The following SUFU variants were observed in gnomAD, a reference collection of about 807,000 sequenced individuals.
SUFU encodes the protein SUFU negative regulator of hedgehog signaling, also known as suppressor of fused homolog.
A neutral mutation model predicts 58.9 loss-of-function variants in SUFU; 7 were observed. The observed-to-expected ratio is 0.12, with a 90% confidence interval of 0.07 to 0.22. The LOEUF is 0.22. SUFU is among the 10% of genes least tolerant of loss of function. The pLI is 1.00. For synonymous variants in SUFU, 232 were observed against 254.8 expected, an observed-to-expected ratio of 0.91 and a Z score of 0.85; for missense variants, 451 against 641.3, an observed-to-expected ratio of 0.70 and a Z score of 3.20.
chr10:102,528,914 G>A (rs887397437), intron 2 of SUFU, among the ~76,000 whole-genome samples: 7 of 151,420 alleles, frequency 4.6e-5, no homozygotes, highest in Non-Finnish European at 1.0e-4. Context: ...GGACTCCCAG[G>A]TCAGAGTATG....
intron 2 of SUFU, among the ~76,000 whole-genome samples, chr10:102,517,718 A>G (rs2062489884): frequency 6.6e-6 from 1 of 152,078 alleles, no homozygotes; most frequent in African/African-American, 2.4e-5. Flanking sequence ...TGTTCCTGAG[A>G]TGTGTCTGGT....
intron 3 of SUFU, among the ~76,000 whole-genome samples, chr10:102,576,691 G>A (rs1320583255): frequency 6.6e-6 from 1 of 152,110 alleles, no homozygotes; most frequent in East Asian, 1.9e-4. Flanking sequence ...TAGTTTATAG[G>A]TCCATGGCAA....
intron 2 of SUFU, among the ~76,000 whole-genome samples, chr10:102,543,041 G>A (rs530501724): frequency 2.6e-5 from 4 of 152,252 alleles, no homozygotes; most frequent in African/African-American, 9.6e-5. Flanking sequence ...GGGCATTTAG[G>A]TGATTTCCAG....
intron 2 of SUFU, among the ~76,000 whole-genome samples, chr10:102,536,780 G>A (rs191944003): frequency 0.01 from 1,524 of 151,992 alleles, 13 homozygotes; most frequent in Non-Finnish European, 0.017. Context: ...CTACTTATTT[G>A]TGGCATAATG....
chr10:102,516,816 C>T (rs541207609), intron 2 of SUFU, among the ~76,000 whole-genome samples: 18 of 151,914 alleles, frequency 1.2e-4, no homozygotes, highest in African/African-American at 4.1e-4. Context: ...TCTGTACTGG[C>T]CTAAACTCAC....
chr10:102,509,057 C>G lies in SUFU; in HGVS notation c.183-112C>G, dbSNP rs146626272. On this transcript the variant is annotated intron_variant, in intron 1 of 11. Transcript: ENST00000369902. ...ATGTGGCCTCTGTTTAGTTACCTTT[C>G]ACCCAGGTTCCTCCAGGATGGGTCC... 4.8e-5 allele frequency: 70 copies of G among 1,455,106 alleles called. No individual in the cohort carries two copies. In the East Asian group the frequency reaches 1.6e-3, roughly 33 times the overall value. The allele number at this position is 1,455,106 out of a possible 1,614,324, so 90.1% of individuals were successfully genotyped here. A position where few individuals can be genotyped will look rare whatever the true frequency, so the allele number is the denominator to read the frequency against.
chr10:102,629,776 G>C lies in SUFU; in HGVS notation c.1366-290G>C, dbSNP rs1323256757. ...CTTTACATGCCTGTGGCCAGAGGCAGAACCAAGGAAGTGAGCAAGAGGGAG... is the reference window on the plus strand; with the variant it reads ...CTTTACATGCCTGTGGCCAGAGGCACAACCAAGGAAGTGAGCAAGAGGGAG... On this transcript the variant is annotated intron_variant, in intron 11 of 11. Coordinates refer to ENST00000369902, the MANE Select transcript of SUFU (RefSeq NM_016169.4). This position sits in a 1 kb window ranked among gnomAD's most constrained non-coding sequence, Gnocchi z 4.7. Among the ~76,000 whole-genome samples the C allele has an allele frequency of 6.6e-6, 1 of 152,162 alleles. No individual in the cohort carries two copies. Among genetic ancestry groups the C allele is most frequent in the Admixed American group, 6.5e-5 (1 of 15,278 alleles).
chr10:102,586,826 C>T (rs1365821694), intron 3 of SUFU, among the ~76,000 whole-genome samples: 1 of 152,196 alleles, frequency 6.6e-6, no homozygotes, highest in African/African-American at 2.4e-5. Flanking sequence ...TCTTCCCCAA[C>T]TTAAACTCTG....
intron 2 of SUFU, among the ~76,000 whole-genome samples, chr10:102,528,116 C>G (rs2062632390): frequency 6.6e-6 from 1 of 152,160 alleles, no homozygotes; most frequent in South Asian, 2.1e-4. Context: ...GCGCTCCAGG[C>G]TGGCTTAGGA....
chr10:102,504,041 AG>A lies in SUFU; in HGVS notation c.-111del, dbSNP rs1315442596. ...CAGGCGCGGAGCTAGACCTCGCTGC[AG>A]CCCCCATCGCCTCGGGGAGTCTCAC... On this transcript the variant is annotated 5_prime_UTR_variant, in exon 1 of 12. Transcript: ENST00000369902. 2 of 1,383,212 alleles carry A rather than the reference AG, an allele frequency of 1.4e-6. No homozygotes were observed. The highest frequency in any genetic ancestry group is 1.9e-6 in the Non-Finnish European group (2 of 1,050,796). The allele number at this position is 1,383,212 out of a possible 1,614,324, so 85.7% of individuals were successfully genotyped here.
At position 102,527,949 on chromosome 10, in the gene SUFU, CTG is replaced by C. The variant is rs148869243; in HGVS notation, c.317+18649_317+18650del. Among the ~76,000 whole-genome samples the C allele has an allele frequency of 1.4e-3, 220 of 152,310 alleles. 2 individuals carry two copies. In the East Asian group the frequency reaches 0.024, roughly 16 times the overall value. ...AGGGCACCTCGCTTCCCAAATCAGA[CTG>C]TGATCTTGTCGCCATTGGCCTAGCC... On this transcript the variant is annotated intron_variant, in intron 2 of 11. Coordinates refer to ENST00000369902, the MANE Select transcript of SUFU (RefSeq NM_016169.4).
intron 2 of SUFU, among the ~76,000 whole-genome samples, chr10:102,518,553 T>C (rs61869603): frequency 4.9e-3 from 85 of 17,202 alleles, no homozygotes; most frequent in Middle Eastern, 0.021. Flanking sequence ...ATCTATTTAT[T>C]TATTTATTTT....
chr10:102,553,569 T>G (rs1184621811), intron 3 of SUFU, among the ~76,000 whole-genome samples: 1 of 152,008 alleles, frequency 6.6e-6, no homozygotes, highest in Non-Finnish European at 1.5e-5. Flanking sequence ...ATTCACGCCA[T>G]TCTCCTGCCT....
chr10:102,597,349 C>T (rs955079874), intron 7 of SUFU, 56 bp downstream of exon 7: 2 of 1,587,136 alleles, frequency 1.3e-6, no homozygotes, highest in African/African-American at 2.7e-5. Flanking sequence ...TCCCCAGGGC[C>T]TGGTTTCCAG....
At chr10:102,581,018 C>T (rs148516704) in intron 3 of SUFU, among the ~76,000 whole-genome samples, 59 of 151,650 alleles carry the variant, frequency 3.9e-4, no homozygotes, top group Non-Finnish European at 8.0e-4. Flanking sequence ...TCCATCTCTA[C>T]TAAATACAAA....
intron 2 of SUFU, among the ~76,000 whole-genome samples, chr10:102,535,794 C>T (rs1409407703): frequency 6.6e-6 from 1 of 152,174 alleles, no homozygotes; most frequent in Non-Finnish European, 1.5e-5. Flanking sequence ...TGACCTTGGG[C>T]CTCTCTTGCC....
At chr10:102,579,745 A>AC in intron 3 of SUFU, 1 of 852,162 alleles carries the variant, frequency 1.2e-6, no homozygotes, top group Middle Eastern at 6.0e-4. Context: ...ATGTCTTGCA[A>AC]CCACATTTAG....
At position 102,628,945 on chromosome 10, in the gene SUFU, C is replaced by T. The variant is rs1366064563; in HGVS notation, c.1366-1121C>T. On this transcript the variant is annotated intron_variant, in intron 11 of 11. Transcript: ENST00000369902. The surrounding 1 kb of genome is among the most constrained non-coding windows in gnomAD (Gnocchi z 4.5). Reference sequence around the variant, plus strand: ...CCGAGGCAGGTGGATCACCTGAGGTCGGGAATTTGAGACCAGCCTGACCAA... The same window carrying T: ...CCGAGGCAGGTGGATCACCTGAGGTTGGGAATTTGAGACCAGCCTGACCAA... Among the ~76,000 whole-genome samples, 6 of 152,200 alleles carry T rather than the reference C, an allele frequency of 3.9e-5. No homozygotes were observed. The South Asian group carries it at 1.0e-3, about 26-fold the overall frequency.
intron 2 of SUFU, among the ~76,000 whole-genome samples, chr10:102,510,570 C>T (rs1393920289): frequency 6.6e-6 from 1 of 151,388 alleles, no homozygotes. Context: ...GCCTGTAATC[C>T]CAGCACTTTG....
Sources: gnomAD v4.1 joint callset for allele counts (sites outside exome capture counted in the v4.1 genomes callset) on GRCh38, gnomAD v4.1.1 for gene constraint, Gnocchi (gnomAD v3.1) non-coding constraint, MANE v1.5 for transcripts, NCBI Gene and HGNC (gene_info 2026-07-23, HGNC 2026-07-21) for gene names.